Variants in HLA-DPB1 observed in about 807,000 individuals in gnomAD.
HLA-DPB1 encodes the protein HLA class II histocompatibility antigen, DP beta 1 chain.
A neutral mutation model predicts 29.4 loss-of-function variants in HLA-DPB1; 30 were observed. The ratio of observed to expected loss-of-function variants is 1.02; its 90% confidence interval spans 0.76 to 1.38. The LOEUF is 1.38. Among genes scored for constraint, HLA-DPB1 ranks in the 40% most tolerant of loss-of-function variants. The pLI, the probability that HLA-DPB1 is intolerant of heterozygous loss-of-function variation, is 0.00. For missense variants in HLA-DPB1, 261 were observed against 327.5 expected (o/e 0.80, Z 1.57); for synonymous variants, 114 against 134.0 (o/e 0.85, Z 1.03).
Position 33,076,120 on chromosome 6 carries a change from GTCCAGGGCAGGGCCAC to G in HLA-DPB1, c.86_100+1del. ...ACTGATGGTGCTGCTCACATCTGTG[GTCCAGGGCAGGGCCAC>G]TCCAGGTAAGAGCCGAACTGCCATT... On this transcript the variant is annotated frameshift_variant, in exon 1 of 6. Coordinates refer to ENST00000418931, the MANE Select transcript of HLA-DPB1 (RefSeq NM_002121.6). LOFTEE classifies it high-confidence loss of function. 6.2e-7 allele frequency: 1 copy of G among 1,611,062 alleles called. No homozygotes were observed. Among genetic ancestry groups the G allele is most frequent in the Non-Finnish European group, 8.5e-7 (1 of 1,179,250 alleles).
rs978952558 is a variant in HLA-DPB1, at chr6:33,087,046, C to T, written c.*512C>T. The T allele has an allele frequency of 5.7e-6, 1 of 175,834 alleles. No homozygotes were observed. The highest frequency in any genetic ancestry group is 2.4e-5 in the African/African-American group (1 of 41,570). The allele number at this position is 175,834 out of a possible 1,614,324, so 10.9% of individuals were successfully genotyped here. A position where few individuals can be genotyped will look rare whatever the true frequency, so the allele number is the denominator to read the frequency against. On this transcript the variant is annotated 3_prime_UTR_variant, in exon 6 of 6. Coordinates refer to ENST00000418931, the MANE Select transcript of HLA-DPB1 (RefSeq NM_002121.6). Reference sequence around the variant, plus strand: ...TCTCAGACCACTATTCTTAACTATTCAATGGTGAGCAGACTGCAAATCTGC... The same window carrying T: ...TCTCAGACCACTATTCTTAACTATTTAATGGTGAGCAGACTGCAAATCTGC...
chr6:33,077,205 TG>T (rs1325899460), intron 1 of HLA-DPB1, among the ~76,000 whole-genome samples: 1 of 151,872 alleles, frequency 6.6e-6, no homozygotes, highest in Non-Finnish European at 1.5e-5. Context: ...TTGCTGTGAA[TG>T]ATGATTTCCA....
Position 33,080,074 on chromosome 6 carries a change from T to C in HLA-DPB1, c.101-598T>C, listed in dbSNP as rs1347027627. The stretch of plus-strand genomic sequence containing the variant: ...CTTTCAGGCTACAGAGTCTTTCTTA[T>C]ACCAAAGTTGAAGAAAGTTTTAAGA... On this transcript the variant is annotated intron_variant, in intron 1 of 5. Coordinates refer to ENST00000418931, the MANE Select transcript of HLA-DPB1 (RefSeq NM_002121.6). This position sits in a 1 kb window ranked among gnomAD's most constrained non-coding sequence, Gnocchi z 4.3. Among the ~76,000 whole-genome samples the C allele has an allele frequency of 2.0e-5, 3 of 152,214 alleles. No individual in the cohort carries two copies. The highest frequency in any genetic ancestry group is 2.9e-5 in the Non-Finnish European group (2 of 68,036).
At chr6:33,079,602 G>A (rs984129518) in intron 1 of HLA-DPB1, 2 of 453,538 alleles carry the variant, frequency 4.4e-6, no homozygotes, top group South Asian at 3.4e-5. Context: ...AGGTCCAAGG[G>A]CCAGATCTTG....
chr6:33,080,287 G>A lies in HLA-DPB1; in HGVS notation c.101-385G>A. On this transcript the variant is annotated intron_variant, in intron 1 of 5. Coordinates refer to ENST00000418931, the MANE Select transcript of HLA-DPB1 (RefSeq NM_002121.6). The surrounding 1 kb of genome is among the most constrained non-coding windows in gnomAD (Gnocchi z 4.3). ...GAAATGTCAGTCAGGGAGTTAAGTA[G>A]GGGGAGCAGCTCCGCCCTCCACGTC... 2.5e-6 allele frequency: 1 copy of A among 392,894 alleles called. No homozygotes were observed. Among genetic ancestry groups the A allele is most frequent in the South Asian group, 2.0e-5 (1 of 50,198 alleles). The allele number at this position is 392,894 out of a possible 1,614,324, so 24.3% of individuals were successfully genotyped here. A position where few individuals can be genotyped will look rare whatever the true frequency, so the allele number is the denominator to read the frequency against.
chr6:33,085,273 A>G (rs757437801), intron 3 of HLA-DPB1, 42 bp downstream of exon 3: 43 of 1,504,844 alleles, frequency 2.9e-5, no homozygotes, highest in Non-Finnish European at 3.9e-5. Context: ...TCTGAAGAGC[A>G]GGGGACTCTC....
intron 4 of HLA-DPB1, 148 bp from the exon 5 acceptor site, chr6:33,086,071 G>A: frequency 2.4e-6 from 2 of 831,704 alleles, no homozygotes; most frequent in Admixed American, 1.9e-5. Flanking sequence ...TCTTAATGCA[G>A]CCAGATGCAT....
Position 33,085,181 on chromosome 6 carries a change from C to A in HLA-DPB1, c.596C>A (p.Thr199Asn), listed in dbSNP as rs1042335. The change falls in exon 3 of 6, where the codon ACC becomes AAC. Residue 199 changes from threonine to asparagine, a missense_variant. Thr to Asn is a moderately conservative substitution (Grantham distance 65). Coordinates refer to ENST00000418931, the MANE Select transcript of HLA-DPB1 (RefSeq NM_002121.6). ...ACCCCCCAGCAGGGAGATGTCTACA[C>A]CTGCCAAGTGGAGCACACCAGCCTG... is the stretch of plus-strand genomic sequence containing the variant. Reference protein sequence around the residue: ...EMTPQQGDVYTCQVEHTSLDS... With the variant: ...EMTPQQGDVYNCQVEHTSLDS... 1.9e-6 allele frequency: 3 copies of A among 1,612,030 alleles called. No individual in the cohort carries two copies. The highest frequency in any genetic ancestry group is 2.2e-5 in the East Asian group (1 of 44,818).
chr6:33,082,686 C>G (rs9277384), intron 2 of HLA-DPB1, among the ~76,000 whole-genome samples: 21,158 of 151,968 alleles, frequency 0.14, 1,591 homozygotes, highest in Non-Finnish European at 0.17. Flanking sequence ...ACAGGGAAAA[C>G]ACAGAGGCAA....
intron 2 of HLA-DPB1, chr6:33,081,917 C>T (rs9500928): frequency 0.04 from 6,024 of 152,440 alleles, 171 homozygotes; most frequent in African/African-American, 0.083. Context: ...CTCCTGTGAA[C>T]TTGTGGGGTG....
chr6:33,086,279 T>A, intron 5 of HLA-DPB1, 37 bp downstream of exon 5: 1 of 1,489,416 alleles, frequency 6.7e-7, no homozygotes, highest in South Asian at 1.1e-5. Flanking sequence ...TGGGGTGGGT[T>A]GCAGGAGGAT....
At chr6:33,079,834 A>AG (rs1215164162) in intron 1 of HLA-DPB1, 2 of 414,614 alleles carry the variant, frequency 4.8e-6, no homozygotes, top group Non-Finnish European at 9.3e-6. Flanking sequence ...CCCCAGTACC[A>AG]GGGTGCACAG....
chr6:33,085,446 C>G (rs549282061), intron 3 of HLA-DPB1, among the ~76,000 whole-genome samples: 2 of 152,320 alleles, frequency 1.3e-5, no homozygotes, highest in South Asian at 4.1e-4. Flanking sequence ...AGTTCTCCCC[C>G]TTGTCAGAGA....
rs1211935956 is a variant in HLA-DPB1, at chr6:33,080,532, T to G, written c.101-140T>G. On this transcript the variant is annotated intron_variant, in intron 1 of 5. Coordinates refer to ENST00000418931, the MANE Select transcript of HLA-DPB1 (RefSeq NM_002121.6). The surrounding 1 kb of genome is among the most constrained non-coding windows in gnomAD (Gnocchi z 4.3). ...TGCGACCCGCTTAGGACCACAGAAC[T>G]CGGTACTAGGAAAACTCCTATTTTA... The G allele has an allele frequency of 8.0e-7, 1 of 1,247,814 alleles. No homozygotes were observed. Among genetic ancestry groups the G allele is most frequent in the African/African-American group, 1.5e-5 (1 of 65,906 alleles). 77.3% of individuals were successfully genotyped at this position (1,247,814 alleles called of 1,614,324 possible). A position where few individuals can be genotyped will look rare whatever the true frequency, so the allele number is the denominator to read the frequency against.
At chr6:33,079,230 C>G (rs1248920108) in intron 1 of HLA-DPB1, among the ~76,000 whole-genome samples, 1 of 152,162 alleles carries the variant, frequency 6.6e-6, no homozygotes, top group Non-Finnish European at 1.5e-5. Context: ...CCCAGTGTGC[C>G]CAAGAACAGA....
chr6:33,084,133 C>T (rs9277426), intron 2 of HLA-DPB1: 1 of 151,768 alleles, frequency 6.6e-6, no homozygotes, highest in South Asian at 2.1e-4. Flanking sequence ...TTATTAGATT[C>T]ACAGGCCACC....
intron 2 of HLA-DPB1, 190 bp downstream of exon 2, chr6:33,081,125 G>A: frequency 1.5e-6 from 1 of 652,784 alleles, no homozygotes; most frequent in Non-Finnish European, 2.5e-6. Flanking sequence ...ACTGGGCTGA[G>A]CATGGAGTGA....
rs1219788091 is a variant in HLA-DPB1, at chr6:33,086,318, G to A, written c.*4+76G>A. On this transcript the variant is annotated intron_variant, in intron 5 of 5. Coordinates refer to ENST00000418931, the MANE Select transcript of HLA-DPB1 (RefSeq NM_002121.6). ...AGTCCTTTCTGTGCATTGTAACACT[G>A]AGGCTCCTCCAGGAAGGGAATCTCA... The A allele has an allele frequency of 2.7e-6, 3 of 1,121,500 alleles. No homozygotes were observed. The African/African-American group carries it at 4.8e-5, about 18-fold the overall frequency. 69.5% of individuals were successfully genotyped at this position (1,121,500 alleles called of 1,614,324 possible).
Position 33,086,627 on chromosome 6 carries a change from A to G in HLA-DPB1, c.*93A>G, listed in dbSNP as rs1042507. ...CATCTGGCTCCAGGACAGACCTTCA[A>G]CTTCCAAATTGGATACTGCTGCCAA... On this transcript the variant is annotated 3_prime_UTR_variant, in exon 6 of 6. Coordinates refer to ENST00000418931, the MANE Select transcript of HLA-DPB1 (RefSeq NM_002121.6). 0.19 allele frequency: 81,570 copies of G among 439,980 alleles called. 17,317 individuals carry two copies. Among genetic ancestry groups the G allele is most frequent in the African/African-American group, 0.52 (23,970 of 46,208 alleles). The allele number at this position is 439,980 out of a possible 1,614,324, so 27.3% of individuals were successfully genotyped here.
Sources: allele counts gnomAD v4.1 joint callset (sites outside exome capture counted in the v4.1 genomes callset), GRCh38; gene constraint gnomAD v4.1.1; non-coding constraint Gnocchi (gnomAD v3.1); transcripts MANE v1.5; gene names NCBI Gene and HGNC (gene_info 2026-07-23, HGNC 2026-07-21).